NRXN3: variants seen among roughly 807,000 people sequenced by gnomAD.
The protein encoded by NRXN3 is neurexin 3, also known as neurexin III.
A neutral mutation model predicts 137.6 loss-of-function variants in NRXN3; 32 were observed. That is an observed-to-expected ratio of 0.23 (90% CI 0.18 to 0.31). NRXN3 has a LOEUF of 0.31. NRXN3 is among the 10% of genes least tolerant of loss of function. The pLI is 1.00. For synonymous variants in NRXN3, 798 were observed against 784.5 expected, an observed-to-expected ratio of 1.02 and a Z score of -0.29; for missense variants, 1,574 against 2,062.5, an observed-to-expected ratio of 0.76 and a Z score of 4.59.
At chr14:79,045,434 G>T (rs78414257) in intron 15 of NRXN3, among the ~76,000 whole-genome samples, 3,434 of 152,262 alleles carry the variant, frequency 0.023, 63 homozygotes, top group Middle Eastern at 0.034. Context: ...CCCACAAGCC[G>T]CATGAATCAT....
At chr14:78,565,875 C>G (rs2096831692) in intron 4 of NRXN3, among the ~76,000 whole-genome samples, 1 of 152,114 alleles carries the variant, frequency 6.6e-6, no homozygotes, top group Non-Finnish European at 1.5e-5. Context: ...TATAGCCTAG[C>G]AATCACATCT....
intron 4 of NRXN3, among the ~76,000 whole-genome samples, chr14:78,382,203 G>C (rs1255165707): frequency 2.0e-5 from 3 of 152,214 alleles, no homozygotes; most frequent in African/African-American, 7.2e-5. Context: ...GTTCAGGCCA[G>C]ATATTGCCTG....
At chr14:78,481,818 C>T (rs908435221) in intron 4 of NRXN3, among the ~76,000 whole-genome samples, 1 of 152,114 alleles carries the variant, frequency 6.6e-6, no homozygotes, top group African/African-American at 2.4e-5. Context: ...AGTCATCTGG[C>T]ATTTTGCTTA....
chr14:78,450,927 G>C, intron 4 of NRXN3, among the ~76,000 whole-genome samples: 1 of 152,186 alleles, frequency 6.6e-6, no homozygotes, highest in East Asian at 1.9e-4. Context: ...GTGTGTGTGT[G>C]TGTGAGTGTG....
intron 15 of NRXN3, among the ~76,000 whole-genome samples, chr14:79,340,829 G>A (rs897075673): frequency 1.3e-5 from 2 of 152,150 alleles, no homozygotes; most frequent in African/African-American, 4.8e-5. Flanking sequence ...TAGCCAGAGA[G>A]GATTCTAGTA....
intron 16 of NRXN3, among the ~76,000 whole-genome samples, chr14:79,509,551 G>GTA (rs2096912122): frequency 6.6e-6 from 1 of 150,740 alleles, no homozygotes; most frequent in African/African-American, 2.4e-5. Flanking sequence ...ATGTGTGTGT[G>GTA]TGTGTGCATG....
intron 15 of NRXN3, among the ~76,000 whole-genome samples, chr14:79,240,037 T>A (rs11628489): frequency 1.3e-5 from 2 of 151,984 alleles, no homozygotes; most frequent in African/African-American, 4.8e-5. Flanking sequence ...GTTGGTCAAA[T>A]GGTAAAAAAT....
intron 10 of NRXN3, among the ~76,000 whole-genome samples, chr14:78,862,305 G>A (rs2099074704): frequency 6.6e-6 from 1 of 151,896 alleles, no homozygotes; most frequent in Admixed American, 6.6e-5. Context: ...CCTAAAGTAT[G>A]AATGAGCTTG....
chr14:78,561,508 C>T (rs997740359), intron 4 of NRXN3, among the ~76,000 whole-genome samples: 4 of 152,064 alleles, frequency 2.6e-5, no homozygotes, highest in African/African-American at 9.7e-5. Context: ...GCCAGTGAAT[C>T]CAAATTATAC....
chr14:79,454,346 T>C (rs1420611581), intron 15 of NRXN3, among the ~76,000 whole-genome samples: 1 of 152,044 alleles, frequency 6.6e-6, no homozygotes, highest in Non-Finnish European at 1.5e-5. Context: ...CCTCCCAAAG[T>C]GATGGGATTA....
At chr14:79,617,018 A>C (rs1283962991) in intron 16 of NRXN3, among the ~76,000 whole-genome samples, 1 of 152,064 alleles carries the variant, frequency 6.6e-6, no homozygotes, top group Non-Finnish European at 1.5e-5. Flanking sequence ...CCTGATAGTC[A>C]ATCCTTGGAA....
At chr14:78,215,777 G>GGC (rs2063208020) in intron 1 of NRXN3, among the ~76,000 whole-genome samples, 1 of 136,434 alleles carries the variant, frequency 7.3e-6, no homozygotes, top group African/African-American at 2.6e-5. Context: ...GGGGTGGGGG[G>GGC]GGCAGGGGTT....
chr14:78,764,324 G>A lies in NRXN3; in HGVS notation c.2045-39296G>A, dbSNP rs1363169701. On this transcript the variant is annotated intron_variant, in intron 8 of 20. Transcript: ENST00000335750. Reference sequence around the variant, plus strand: ...GGAGTTAGAGAAGACAGATGACCAAGGGCTGGAATAGCTGTTGAGGAGGAA... The same window carrying A: ...GGAGTTAGAGAAGACAGATGACCAAAGGCTGGAATAGCTGTTGAGGAGGAA... Among the ~76,000 whole-genome samples the A allele has an allele frequency of 3.9e-5, 6 of 152,284 alleles. No homozygotes were observed. The East Asian group carries it at 1.2e-3, about 29-fold the overall frequency.
In NRXN3 at chr14:78,988,085, A is replaced by AG; in HGVS notation, c.3209dup (p.Phe1071LeufsTer4). On this transcript the variant is annotated frameshift_variant, in exon 15 of 21. Coordinates refer to ENST00000335750, the MANE Select transcript of NRXN3 (RefSeq NM_001330195.2). LOFTEE classifies it high-confidence loss of function. ...CAGGGGGTCTGCATGCAACAATGGG[A>AG]GGGCTTCACCTGTGATTGTTCTATG... 1 of 1,613,918 alleles carries AG rather than the reference A, an allele frequency of 6.2e-7. No homozygotes were observed. Among genetic ancestry groups the AG allele is most frequent in the Non-Finnish European group, 8.5e-7 (1 of 1,179,902 alleles).
At chr14:78,598,561 G>T (rs2097177253) in intron 4 of NRXN3, among the ~76,000 whole-genome samples, 1 of 152,234 alleles carries the variant, frequency 6.6e-6, no homozygotes, top group Admixed American at 6.5e-5. Flanking sequence ...TGCTCTCGCA[G>T]TCACACATTT....
At chr14:79,539,768 C>A (rs1315429893) in intron 16 of NRXN3, among the ~76,000 whole-genome samples, 4 of 152,102 alleles carry the variant, frequency 2.6e-5, no homozygotes, top group Non-Finnish European at 5.9e-5. Context: ...TCTTTTAAAG[C>A]CACTTATAGG....
intron 15 of NRXN3, among the ~76,000 whole-genome samples, chr14:79,388,067 C>T (rs1449941701): frequency 1.3e-5 from 2 of 151,280 alleles, no homozygotes; most frequent in South Asian, 2.1e-4. Flanking sequence ...CAAACCTGCA[C>T]GTTGTGCACA....
At chr14:79,677,419 T>A (rs1269598204) in intron 17 of NRXN3, among the ~76,000 whole-genome samples, 2 of 152,124 alleles carry the variant, frequency 1.3e-5, no homozygotes, top group African/African-American at 4.8e-5. Context: ...AAATAAAAAT[T>A]TATGTAAGTA....
chr14:78,976,494 C>A (rs930489034), intron 14 of NRXN3, among the ~76,000 whole-genome samples: 2 of 152,112 alleles, frequency 1.3e-5, no homozygotes, highest in Non-Finnish European at 2.9e-5. Flanking sequence ...ATTAGTCAAA[C>A]ACCTTTAGTT....
Sources: gnomAD v4.1 joint callset for allele counts (sites outside exome capture counted in the v4.1 genomes callset) on GRCh38, gnomAD v4.1.1 for gene constraint, MANE v1.5 for transcripts, NCBI Gene and HGNC (gene_info 2026-07-23, HGNC 2026-07-21) for gene names.